PGGT1B: variants seen among roughly 807,000 people sequenced by gnomAD.
The protein encoded by PGGT1B is geranylgeranyl transferase type-1 subunit beta.
PGGT1B carries 30 observed loss-of-function variants against 46.1 expected under a neutral mutation model. The observed-to-expected ratio is 0.65, with a 90% CI of 0.49 to 0.88. The LOEUF is 0.88. Among genes scored for constraint, PGGT1B ranks in the 40% least tolerant of loss-of-function variants. The pLI is 0.00. For synonymous variants in PGGT1B, 170 were observed against 160.0 expected, an observed-to-expected ratio of 1.06 and a Z score of -0.47; for missense variants, 376 against 455.9, an observed-to-expected ratio of 0.82 and a Z score of 1.60.
intron 5 of PGGT1B, among the ~76,000 whole-genome samples, chr5:115,236,048 T>A (rs564047827): frequency 6.6e-6 from 1 of 152,236 alleles, no homozygotes; most frequent in East Asian, 1.9e-4. Context: ...GATAACATAA[T>A]CTTCCAGTTT....
Position 115,231,018 on chromosome 5 carries a change from A to G in PGGT1B, c.616T>C (p.Tyr206His), listed in dbSNP as rs1250467527. The change falls in exon 6 of 9, where the codon TAT becomes CAT. Residue 206 changes from tyrosine to histidine, a missense_variant. By Grantham distance (83) the Tyr-to-His change is moderately conservative (BLOSUM62 2). Coordinates refer to ENST00000419445, the MANE Select transcript of PGGT1B (RefSeq NM_005023.4). ...AITYIRRSMS[Y>H]DNGLAQGAGL... is the part of the protein sequence containing the mutation. Reference sequence around the variant, plus strand: ...GCTCCCTGTGCCAGTCCATTGTCATAGGACTGAAAAAGAAAAACATTGTTC... The same window carrying G: ...GCTCCCTGTGCCAGTCCATTGTCATGGGACTGAAAAAGAAAAACATTGTTC... 6 of 1,531,370 alleles carry G rather than the reference A, an allele frequency of 3.9e-6. No homozygotes were observed. The highest frequency in any genetic ancestry group is 1.4e-5 in the African/African-American group (1 of 71,710). 94.9% of individuals were successfully genotyped at this position (1,531,370 alleles called of 1,614,324 possible).
chr5:115,255,131 C>T (rs1276367390), intron 1 of PGGT1B, among the ~76,000 whole-genome samples: 3 of 152,116 alleles, frequency 2.0e-5, no homozygotes, highest in Non-Finnish European at 4.4e-5. Context: ...ACAATAAGCA[C>T]GCAATAAATG....
Position 115,208,908 on chromosome 5 carries a change from C to T in PGGT1B, c.*3494G>A, listed in dbSNP as rs1000441965. On this transcript the variant is annotated 3_prime_UTR_variant, in exon 9 of 9. Transcript: ENST00000419445. Reference sequence around the variant, plus strand: ...TATCTGTCTTGTGGTCATGTCCTTCCGGTGTGCTTTCATTGTCTGTGAGGA... The same window carrying T: ...TATCTGTCTTGTGGTCATGTCCTTCTGGTGTGCTTTCATTGTCTGTGAGGA... The T allele has an allele frequency of 3.3e-5, 5 of 151,864 alleles. No homozygotes were observed. The highest frequency in any genetic ancestry group is 9.7e-5 in the African/African-American group (4 of 41,450). The allele number at this position is 151,864 out of a possible 1,614,324, so 9.4% of individuals were successfully genotyped here. A position where few individuals can be genotyped will look rare whatever the true frequency, so the allele number is the denominator to read the frequency against.
At chr5:115,248,160 A>G (rs1315800649) in intron 2 of PGGT1B, among the ~76,000 whole-genome samples, 2 of 152,150 alleles carry the variant, frequency 1.3e-5, no homozygotes, top group African/African-American at 2.4e-5. Context: ...CTAATAATTT[A>G]TGGGATCTAT....
intron 2 of PGGT1B, among the ~76,000 whole-genome samples, chr5:115,242,777 G>T (rs936503338): frequency 6.6e-6 from 1 of 152,102 alleles, no homozygotes; most frequent in African/African-American, 2.4e-5. Flanking sequence ...GACCAGCCTG[G>T]TCAACATGGT....
At chr5:115,218,529 T>C (rs553191350) in intron 7 of PGGT1B, among the ~76,000 whole-genome samples, 6 of 147,188 alleles carry the variant, frequency 4.1e-5, no homozygotes, top group Admixed American at 6.8e-5. Flanking sequence ...TAAAATCTAA[T>C]ATTTTATTGG....
chr5:115,252,038 C>G (rs1748124220), intron 2 of PGGT1B, among the ~76,000 whole-genome samples: 1 of 152,102 alleles, frequency 6.6e-6, no homozygotes, highest in Admixed American at 6.6e-5. Context: ...CCATAACTTG[C>G]AACTTATCAC....
At chr5:115,224,274 G>A (rs1220614671) in intron 6 of PGGT1B, among the ~76,000 whole-genome samples, 1 of 152,114 alleles carries the variant, frequency 6.6e-6, no homozygotes, top group Non-Finnish European at 1.5e-5. Flanking sequence ...CTAATAGACA[G>A]TAAGTAACCT....
At chr5:115,234,355 C>T (rs1757106183) in intron 5 of PGGT1B, among the ~76,000 whole-genome samples, 1 of 151,564 alleles carries the variant, frequency 6.6e-6, no homozygotes, top group African/African-American at 2.4e-5. Context: ...TGACAGGGAA[C>T]AAGATGTTAA....
intron 2 of PGGT1B, among the ~76,000 whole-genome samples, chr5:115,252,583 T>A (rs950967121): frequency 1.3e-5 from 2 of 152,084 alleles, no homozygotes. Context: ...AAAACTTGTA[T>A]ATTTGCAGTT....
chr5:115,229,541 C>G (rs1053077912), intron 6 of PGGT1B, among the ~76,000 whole-genome samples: 4 of 152,032 alleles, frequency 2.6e-5, no homozygotes, highest in Non-Finnish European at 5.9e-5. Context: ...TTTTTCCTGA[C>G]AGGACCCATT....
At chr5:115,234,542 A>G (rs891009983) in intron 5 of PGGT1B, among the ~76,000 whole-genome samples, 3 of 152,080 alleles carry the variant, frequency 2.0e-5, no homozygotes, top group Non-Finnish European at 2.9e-5. Context: ...GTGAAGGAAA[A>G]GCCTAAAATG....
intron 6 of PGGT1B, 75 bp from the exon 7 acceptor site, chr5:115,222,083 GA>G: frequency 1.2e-6 from 1 of 807,186 alleles, no homozygotes; most frequent in Non-Finnish European, 1.8e-6. Context: ...TGTTCAAGGG[GA>G]AAAAGTGGTT....
intron 2 of PGGT1B, among the ~76,000 whole-genome samples, chr5:115,246,266 G>C (rs1162601270): frequency 6.6e-6 from 1 of 151,230 alleles, no homozygotes; most frequent in South Asian, 2.1e-4. Context: ...TGAGGCAGAA[G>C]AATTGCTTGA....
rs114271247 is a variant in PGGT1B at position 115,235,413 on chromosome 5, G to T, written c.612+977C>A. On this transcript the variant is annotated intron_variant, in intron 5 of 8. Transcript: ENST00000419445. ...ACTATTGGATAAAAATTTGATTAGG[G>T]ACTCACTGAATATTTAGTCTCCAGG... 8.8e-3 allele frequency among the ~76,000 whole-genome samples: 1,331 copies of T among 152,092 alleles called. 24 individuals carry two copies. Among genetic ancestry groups the T allele is most frequent in the African/African-American group, 0.031 (1,270 of 41,524 alleles).
At position 115,208,107 on chromosome 5, in the gene PGGT1B, T is replaced by C. The variant is rs963388754; in HGVS notation, c.*4295A>G. ...ATTACCTTTTGAAAGTGCTGTTGGA[T>C]TGTTTGCTAATGTTATCATTAAAAC... On this transcript the variant is annotated 3_prime_UTR_variant, in exon 9 of 9. Transcript: ENST00000419445. 2.0e-5 allele frequency: 3 copies of C among 152,020 alleles called. No homozygotes were observed. Among genetic ancestry groups the C allele is most frequent in the Non-Finnish European group, 4.4e-5 (3 of 67,956 alleles). The allele number at this position is 152,020 out of a possible 1,614,324, so 9.4% of individuals were successfully genotyped here. A position where few individuals can be genotyped will look rare whatever the true frequency, so the allele number is the denominator to read the frequency against.
intron 6 of PGGT1B, among the ~76,000 whole-genome samples, chr5:115,225,649 A>ATTT (rs60269384): frequency 6.9e-6 from 1 of 144,432 alleles, no homozygotes; most frequent in Non-Finnish European, 1.5e-5. Flanking sequence ...GGTAAAGTAA[A>ATTT]TTTTTTTTTT....
At chr5:115,245,417 A>C (rs1194975446) in intron 2 of PGGT1B, among the ~76,000 whole-genome samples, 1 of 152,256 alleles carries the variant, frequency 6.6e-6, no homozygotes, top group Non-Finnish European at 1.5e-5. Context: ...TGGCATGGAC[A>C]CTTGGAATCA....
chr5:115,224,550 A>T (rs531234656), intron 6 of PGGT1B, among the ~76,000 whole-genome samples: 1 of 152,206 alleles, frequency 6.6e-6, no homozygotes, highest in Admixed American at 6.5e-5. Flanking sequence ...TCTCTAAAAA[A>T]CTAGTTATAA....
Sources: allele counts gnomAD v4.1 joint callset (sites outside exome capture counted in the v4.1 genomes callset), GRCh38; gene constraint gnomAD v4.1.1; transcripts MANE v1.5; gene names NCBI Gene and HGNC (gene_info 2026-07-23, HGNC 2026-07-21).